Variants in ABAT observed in about 807,000 individuals in gnomAD.
ABAT encodes the protein 4-aminobutyrate aminotransferase, also known as 4-aminobutyrate aminotransferase, mitochondrial.
Under a neutral mutation model 64.6 loss-of-function variants are expected in ABAT, and 45 were observed. The observed-to-expected ratio is 0.70, with a 90% CI of 0.55 to 0.89. ABAT has a LOEUF of 0.89. Among genes scored for constraint, ABAT ranks in the 40% least tolerant of loss-of-function variants. ABAT has a pLI of 0.00. For missense variants in ABAT, 633 were observed against 658.4 expected (o/e 0.96, Z 0.42); for synonymous variants, 297 against 250.5 (o/e 1.19, Z -1.75).
At position 8,702,372 on chromosome 16, in the gene ABAT, C is replaced by T. The variant is rs185674065; in HGVS notation, c.-42+27661C>T. On this transcript the variant is annotated intron_variant, in intron 1 of 15. Transcript: ENST00000268251. The stretch of plus-strand genomic sequence containing the variant: ...GGTTCAAGCAATTCTCCTGCCTCAG[C>T]CTCCCAAGTAGCTGGGATTATAGGC... Among the ~76,000 whole-genome samples, 364 of 152,272 alleles carry T rather than the reference C, an allele frequency of 2.4e-3. 2 individuals are homozygous for T. The highest frequency in any genetic ancestry group is 8.4e-3 in the African/African-American group (350 of 41,562).
Position 8,755,140 on chromosome 16 carries a change from G to GTT in ABAT, c.317-2609_317-2608dup, listed in dbSNP as rs113492557. Among the ~76,000 whole-genome samples the GTT allele has an allele frequency of 1.2e-3, 177 of 151,124 alleles. 2 individuals are homozygous for GTT. Among genetic ancestry groups the GTT allele is most frequent in the African/African-American group, 2.4e-3 (97 of 41,164 alleles). On this transcript the variant is annotated intron_variant, in intron 5 of 15. Transcript: ENST00000268251. ...AGAATATAGTCGTTGATTCGTTTTTGTTTTTTTTTAACTCTCTGAGGCATG... is the reference window on the plus strand; with the variant it reads ...AGAATATAGTCGTTGATTCGTTTTTGTTTTTTTTTTTAACTCTCTGAGGCATG...
chr16:8,706,675 G>A (rs1300169710), intron 1 of ABAT, among the ~76,000 whole-genome samples: 1 of 151,848 alleles, frequency 6.6e-6, no homozygotes, highest in Non-Finnish European at 1.5e-5. Flanking sequence ...ATCGTGCCAC[G>A]GCACTTCAGC....
intron 1 of ABAT, among the ~76,000 whole-genome samples, chr16:8,680,334 C>T (rs148438725): frequency 6.6e-6 from 1 of 152,304 alleles, no homozygotes; most frequent in South Asian, 2.1e-4. Flanking sequence ...AGTAGATATT[C>T]AAGGAGCATT....
intron 1 of ABAT, among the ~76,000 whole-genome samples, chr16:8,702,499 C>T (rs566762119): frequency 1.3e-5 from 2 of 152,230 alleles, no homozygotes; most frequent in Middle Eastern, 3.4e-3. Flanking sequence ...GTAATCCTCC[C>T]GCCTCGGCCT....
chr16:8,770,452 T>G (rs550236519), intron 11 of ABAT, among the ~76,000 whole-genome samples: 17 of 151,966 alleles, frequency 1.1e-4, no homozygotes, highest in Non-Finnish European at 1.5e-5. Flanking sequence ...TCTTTTGTTT[T>G]GTTTGAGACA....
chr16:8,733,659 G>T (rs907233046), intron 1 of ABAT, among the ~76,000 whole-genome samples: 2 of 151,990 alleles, frequency 1.3e-5, no homozygotes, highest in Admixed American at 6.5e-5. Context: ...GCGAAACCCC[G>T]TCTCCACCAA....
intron 15 of ABAT, 111 bp downstream of exon 15, chr16:8,779,701 C>A: frequency 1.2e-6 from 1 of 833,780 alleles, no homozygotes; most frequent in Non-Finnish European, 2.0e-6. Flanking sequence ...GCAGGTGGTA[C>A]ACAGGTCTGA....
intron 1 of ABAT, among the ~76,000 whole-genome samples, chr16:8,709,747 G>A (rs1052425825): frequency 7.9e-5 from 12 of 152,192 alleles, no homozygotes; most frequent in Admixed American, 1.3e-4. Context: ...TGAGAAAAGC[G>A]TGGACTTGGC....
rs779818625 is a variant in ABAT at position 8,781,311 on chromosome 16, G to A, written c.1384G>A (p.Val462Met). 5.0e-6 allele frequency: 8 copies of A among 1,613,980 alleles called. No homozygotes were observed. The East Asian group carries it at 8.9e-5, about 18-fold the overall frequency. ...KLILIARNKGVVLGGCGDKSI... is the reference protein window; with the variant it reads ...KLILIARNKGMVLGGCGDKSI... ...CACCTACCTCCTGCCTCTTTCAGGT[G>A]TGGTGTTGGGTGGCTGTGGTGACAA... Residue 462 changes from valine to methionine, a missense_variant and splice_region_variant, in exon 16 of 16, where the codon GTG becomes ATG. By Grantham distance (21) the Val-to-Met change is conservative. Coordinates refer to ENST00000268251, the MANE Select transcript of ABAT (RefSeq NM_020686.6). This position sits in a 1 kb window ranked among gnomAD's most constrained non-coding sequence, Gnocchi z 4.5.
intron 1 of ABAT, among the ~76,000 whole-genome samples, chr16:8,709,893 A>T (rs545955729): frequency 6.6e-6 from 1 of 151,420 alleles, no homozygotes; most frequent in Non-Finnish European, 1.5e-5. Flanking sequence ...ACGGTAGCAC[A>T]ATCTCGGTTC....
intron 13 of ABAT, among the ~76,000 whole-genome samples, chr16:8,775,469 G>C (rs751210508): frequency 6.6e-6 from 1 of 152,074 alleles, no homozygotes; most frequent in Non-Finnish European, 1.5e-5. Context: ...ATTTGTCAAA[G>C]GTCACACAGC....
intron 6 of ABAT, 133 bp from the exon 7 acceptor site, chr16:8,763,936 C>A: frequency 2.6e-6 from 2 of 772,992 alleles, no homozygotes; most frequent in Non-Finnish European, 2.3e-6. Flanking sequence ...ATGCCCCACG[C>A]TGACAGAACG....
At chr16:8,741,492 C>T (rs2059160217) in intron 2 of ABAT, among the ~76,000 whole-genome samples, 3 of 152,204 alleles carry the variant, frequency 2.0e-5, no homozygotes, top group African/African-American at 7.2e-5. Flanking sequence ...AGAATAATAA[C>T]ATTTACCTCA....
At chr16:8,680,086 C>A (rs190476964) in intron 1 of ABAT, among the ~76,000 whole-genome samples, 15 of 152,240 alleles carry the variant, frequency 9.9e-5, no homozygotes, top group Admixed American at 9.2e-4. Context: ...CTTCCCCGAC[C>A]CTCCCCCACC....
At chr16:8,694,273 T>C (rs2057651704) in intron 1 of ABAT, among the ~76,000 whole-genome samples, 1 of 150,936 alleles carries the variant, frequency 6.6e-6, no homozygotes, top group African/African-American at 2.4e-5. Flanking sequence ...CCCGCCCGCC[T>C]CGGCCTTCCA....
rs1453137361 is a variant in ABAT, at chr16:8,781,884, ACT to A, written c.*458_*459del. 39 of 299,412 alleles carry A rather than the reference ACT, an allele frequency of 1.3e-4. No individual in the cohort carries two copies. Among genetic ancestry groups the A allele is most frequent in the Non-Finnish European group, 2.4e-4 (37 of 153,692 alleles). 18.5% of individuals were successfully genotyped at this position (299,412 alleles called of 1,614,324 possible). A position where few individuals can be genotyped will look rare whatever the true frequency, so the allele number is the denominator to read the frequency against. On this transcript the variant is annotated 3_prime_UTR_variant, in exon 16 of 16. Transcript: ENST00000268251. The surrounding 1 kb of genome is among the most constrained non-coding windows in gnomAD (Gnocchi z 4.5). Reference sequence around the variant, plus strand: ...CCCCTCGCCCTATGCAAGCAAACACACTCTCACCTCCTCTCCCAGCCTCCCGG... The same window carrying A: ...CCCCTCGCCCTATGCAAGCAAACACACTCACCTCCTCTCCCAGCCTCCCGG...
At chr16:8,756,012 T>C (rs574444490) in intron 5 of ABAT, among the ~76,000 whole-genome samples, 190 of 151,778 alleles carry the variant, frequency 1.3e-3, no homozygotes, top group African/African-American at 4.4e-3. Context: ...TTGCTCCACT[T>C]CACTCCAGCC....
rs562247626 is a variant in ABAT, at chr16:8,675,768, C to T, written c.-42+1057C>T. 3.3e-3 allele frequency among the ~76,000 whole-genome samples: 500 copies of T among 152,332 alleles called. 1 individual carries two copies. The highest frequency in any genetic ancestry group is 9.8e-3 in the African/African-American group (407 of 41,568). On this transcript the variant is annotated intron_variant, in intron 1 of 15. Transcript: ENST00000268251. Reference sequence around the variant, plus strand: ...CAGAGACCACCCGCCACCTCTCCCCCGCTCCCTGCCCCAACACACGCACAA... The same window carrying T: ...CAGAGACCACCCGCCACCTCTCCCCTGCTCCCTGCCCCAACACACGCACAA...
At chr16:8,683,158 C>G (rs1037661345) in intron 1 of ABAT, 6 of 152,222 alleles carry the variant, frequency 3.9e-5, no homozygotes, top group African/African-American at 1.4e-4. Context: ...GGAGCAGTGC[C>G]TTGCCCAAGG....
Sources: gnomAD v4.1 joint callset for allele counts (sites outside exome capture counted in the v4.1 genomes callset) on GRCh38, gnomAD v4.1.1 for gene constraint, Gnocchi (gnomAD v3.1) non-coding constraint, MANE v1.5 for transcripts, NCBI Gene and HGNC (gene_info 2026-07-23, HGNC 2026-07-21) for gene names.